Variants in GABBR2 observed in about 807,000 individuals in gnomAD.
GABBR2 encodes gamma-aminobutyric acid type B receptor subunit 2.
In GABBR2, 23 loss-of-function variants were observed where a neutral mutation model predicts 105.6. That is an observed-to-expected ratio of 0.22 (90% CI 0.16 to 0.31). The LOEUF (loss-of-function observed/expected upper bound fraction) is 0.31. Ranked by LOEUF, GABBR2 falls within the 10% of genes least tolerant of loss-of-function variation. The probability of loss-of-function intolerance (pLI) is 1.00; values close to 1 mark genes in which losing one functional copy is unlikely to be tolerated. For synonymous variants in GABBR2, 478 were observed against 499.7 expected, an observed-to-expected ratio of 0.96 and a Z score of 0.58; for missense variants, 734 against 1,245.5, an observed-to-expected ratio of 0.59 and a Z score of 6.18.
chr9:98,298,067 A>T (rs1399269117), intron 17 of GABBR2, among the ~76,000 whole-genome samples: 1 of 150,168 alleles, frequency 6.7e-6, no homozygotes, highest in Non-Finnish European at 1.5e-5. Context: ...AAAGTAATGT[A>T]AAATAGTCCC....
At chr9:98,572,102 G>C (rs1463851376) in intron 2 of GABBR2, among the ~76,000 whole-genome samples, 2 of 152,168 alleles carry the variant, frequency 1.3e-5, no homozygotes, top group Non-Finnish European at 2.9e-5. Context: ...CCCTGAGCAG[G>C]CTCTGACAGT....
chr9:98,488,012 T>A (rs1827096545), intron 4 of GABBR2, among the ~76,000 whole-genome samples: 1 of 152,162 alleles, frequency 6.6e-6, no homozygotes, highest in African/African-American at 2.4e-5. Flanking sequence ...GAGACAGTGA[T>A]ACAGTGTGGG....
intron 7 of GABBR2, among the ~76,000 whole-genome samples, chr9:98,407,436 A>G (rs945716819): frequency 6.6e-6 from 1 of 152,176 alleles, no homozygotes; most frequent in Non-Finnish European, 1.5e-5. Context: ...TTTGAAACTA[A>G]TGCCCACCGA....
chr9:98,489,645 G>A (rs74743306), intron 4 of GABBR2, among the ~76,000 whole-genome samples: 5,203 of 151,632 alleles, frequency 0.034, 278 homozygotes, highest in African/African-American at 0.12. Flanking sequence ...CTCAAGTTTC[G>A]AACGTAATAT....
intron 3 of GABBR2, among the ~76,000 whole-genome samples, chr9:98,533,335 TC>T (rs1828104166): frequency 6.6e-6 from 1 of 151,926 alleles, no homozygotes. Context: ...CTGCTGCTCT[TC>T]CAGATGGCCC....
At chr9:98,640,146 A>ATATAT (rs869267142) in intron 1 of GABBR2, among the ~76,000 whole-genome samples, 1 of 143,598 alleles carries the variant, frequency 7.0e-6, no homozygotes, top group Non-Finnish European at 1.6e-5. Flanking sequence ...ATATATATAT[A>ATATAT]AACAATCTGA....
chr9:98,668,543 AT>A (rs1168439791), intron 1 of GABBR2, among the ~76,000 whole-genome samples: 3 of 152,178 alleles, frequency 2.0e-5, no homozygotes, highest in Non-Finnish European at 4.4e-5. Context: ...CATTTTAGCC[AT>A]TTTGAAATGT....
chr9:98,413,464 T>C (rs909421325), intron 7 of GABBR2, among the ~76,000 whole-genome samples: 2 of 152,212 alleles, frequency 1.3e-5, no homozygotes. Context: ...TTTTTTTTCT[T>C]TATGTCCCCT....
At chr9:98,310,626 C>A (rs938581870) in intron 14 of GABBR2, among the ~76,000 whole-genome samples, 1 of 151,970 alleles carries the variant, frequency 6.6e-6, no homozygotes, top group Admixed American at 6.6e-5. Context: ...CAGCTTTTGG[C>A]AAATCATTTA....
At chr9:98,436,347 CCATATATATATATATATATATATAT>C (rs1564068181) in intron 7 of GABBR2, among the ~76,000 whole-genome samples, 3,535 of 31,614 alleles carry the variant, frequency 0.11, 590 homozygotes, top group South Asian at 0.17. Flanking sequence ...CACACACACA[CCATATATATATATATATATATATAT>C]ATATATATAT....
intron 1 of GABBR2, among the ~76,000 whole-genome samples, chr9:98,596,736 C>T (rs899194420): frequency 1.3e-5 from 2 of 152,172 alleles, no homozygotes; most frequent in Non-Finnish European, 2.9e-5. Flanking sequence ...TCCATCCTTA[C>T]GCTTGCATTC....
chr9:98,687,483 A>C (rs1490877431), intron 1 of GABBR2, among the ~76,000 whole-genome samples: 1 of 152,180 alleles, frequency 6.6e-6, no homozygotes, highest in African/African-American at 2.4e-5. Context: ...AAAGATGGAC[A>C]CAGAAGCCCA....
intron 13 of GABBR2, among the ~76,000 whole-genome samples, chr9:98,337,748 A>G (rs1177847807): frequency 6.6e-6 from 1 of 152,198 alleles, no homozygotes; most frequent in African/African-American, 2.4e-5. Flanking sequence ...ATTCTTTTCA[A>G]CAAGTGGTGT....
At chr9:98,687,142 A>C (rs1325140919) in intron 1 of GABBR2, among the ~76,000 whole-genome samples, 2 of 151,674 alleles carry the variant, frequency 1.3e-5, no homozygotes, top group South Asian at 2.1e-4. Context: ...AATTTTATTC[A>C]GGATGTTACT....
chr9:98,464,379 G>A (rs1322092347), intron 6 of GABBR2, among the ~76,000 whole-genome samples: 3 of 151,246 alleles, frequency 2.0e-5, no homozygotes, highest in Admixed American at 2.0e-4. Context: ...GGGAAGTGAG[G>A]AGCGCCTCTG....
chr9:98,482,753 G>A (rs1826950924), intron 4 of GABBR2, among the ~76,000 whole-genome samples: 1 of 152,046 alleles, frequency 6.6e-6, no homozygotes. Flanking sequence ...CTGAGAAAGG[G>A]ATAATCCTAT....
rs55752458 is a variant in GABBR2, at chr9:98,566,798, CAAAAAAAAAA to C, written c.459+11127_459+11136del. On this transcript the variant is annotated intron_variant, in intron 2 of 18. Transcript: ENST00000259455. ...GGAGGTCAAGGCTGCAAGACACTGT[CAAAAAAAAAA>C]AAAAAAAAAAAAAGGCGACAAAGAA... 5.6e-4 allele frequency among the ~76,000 whole-genome samples: 49 copies of C among 88,206 alleles called. No homozygotes were observed. In the South Asian group the frequency reaches 0.022, roughly 39 times the overall value. The allele number at this position is 88,206 out of a possible 152,430, so 57.9% of individuals were successfully genotyped here.
chr9:98,415,021 G>A (rs1832662930), intron 7 of GABBR2, among the ~76,000 whole-genome samples: 1 of 152,076 alleles, frequency 6.6e-6, no homozygotes, highest in Non-Finnish European at 1.5e-5. Flanking sequence ...AAGATTCTCA[G>A]ATAACTCGGT....
intron 2 of GABBR2, among the ~76,000 whole-genome samples, chr9:98,543,047 AT>A (rs1171259046): frequency 6.6e-6 from 1 of 152,076 alleles, no homozygotes; most frequent in Non-Finnish European, 1.5e-5. Flanking sequence ...GTGTATTTTA[AT>A]TTACACTCGA....
Sources: allele counts gnomAD v4.1 joint callset (sites outside exome capture counted in the v4.1 genomes callset), GRCh38; gene constraint gnomAD v4.1.1; transcripts MANE v1.5; gene names NCBI Gene and HGNC (gene_info 2026-07-23, HGNC 2026-07-21).